The following BANP variants were observed in gnomAD, a reference collection of about 807,000 sequenced individuals.
The protein encoded by BANP is BTG3 associated nuclear protein.
In BANP, 11 loss-of-function variants were observed where a neutral mutation model predicts 68.1. That is an observed-to-expected ratio of 0.16 (90% CI 0.10 to 0.27). The LOEUF is 0.27. BANP is among the 10% of genes least tolerant of loss of function. The probability of loss-of-function intolerance (pLI) is 1.00; values close to 1 mark genes in which losing one functional copy is unlikely to be tolerated. For missense variants in BANP, 504 were observed against 722.7 expected (o/e 0.70, Z 3.47); for synonymous variants, 329 against 303.2 (o/e 1.09, Z -0.88).
In BANP at chr16:88,066,371, T is replaced by A. The variant is rs184015754; in HGVS notation, c.1377+1039T>A. Among the ~76,000 whole-genome samples the A allele has an allele frequency of 1.1e-4, 17 of 152,244 alleles. No homozygotes were observed. In the East Asian group the frequency reaches 3.3e-3, roughly 29 times the overall value. ...TTGAGTGAAACTCGGGAGTTTGGTGTCGTTTCTCTCTGTGGCGCTGCTGCT... is the reference window on the plus strand; with the variant it reads ...TTGAGTGAAACTCGGGAGTTTGGTGACGTTTCTCTCTGTGGCGCTGCTGCT... On this transcript the variant is annotated intron_variant, in intron 12 of 13. Coordinates refer to ENST00000682872, the MANE Select transcript of BANP (RefSeq NM_001386991.1).
chr16:88,034,075 G>A (rs550581310), intron 9 of BANP, among the ~76,000 whole-genome samples: 1 of 152,344 alleles, frequency 6.6e-6, no homozygotes, highest in Admixed American at 6.5e-5. Flanking sequence ...CTCCACTATT[G>A]AGAGTGGGGC....
At chr16:87,969,085 C>T (rs938618217) in intron 1 of BANP, among the ~76,000 whole-genome samples, 17 of 152,184 alleles carry the variant, frequency 1.1e-4, no homozygotes, top group African/African-American at 4.1e-4. Flanking sequence ...CTGCCCTGCC[C>T]AGTTGATATT....
intron 7 of BANP, among the ~76,000 whole-genome samples, chr16:88,019,417 G>A (rs1023265417): frequency 9.2e-5 from 14 of 151,922 alleles, no homozygotes; most frequent in Admixed American, 8.5e-4. Context: ...GGTGTGGGAG[G>A]GTGCAGTGGC....
chr16:87,997,933 T>C (rs1197306077), intron 4 of BANP, among the ~76,000 whole-genome samples: 2 of 152,216 alleles, frequency 1.3e-5, no homozygotes, highest in East Asian at 3.9e-4. Context: ...GTTTAGCACT[T>C]CCTGGTGGAA....
At chr16:88,016,282 C>A (rs2074537610) in intron 6 of BANP, among the ~76,000 whole-genome samples, 1 of 152,196 alleles carries the variant, frequency 6.6e-6, no homozygotes, top group African/African-American at 2.4e-5. Context: ...GCCAATGCTC[C>A]AGAGCCGCCT....
intron 13 of BANP, among the ~76,000 whole-genome samples, chr16:88,075,942 C>T (rs2091518136): frequency 6.6e-6 from 1 of 152,006 alleles, no homozygotes; most frequent in South Asian, 2.1e-4. Context: ...GACGAGGTTT[C>T]ACCATTTTGG....
intron 6 of BANP, among the ~76,000 whole-genome samples, chr16:88,016,788 C>T (rs62049283): frequency 1.3e-5 from 2 of 152,174 alleles, no homozygotes; most frequent in Non-Finnish European, 2.9e-5. Flanking sequence ...AAAAAATGCA[C>T]GTCTGAGCGT....
At chr16:88,035,238 A>G in intron 9 of BANP, 85 bp from the exon 10 acceptor site, 3 of 1,236,460 alleles carry the variant, frequency 2.4e-6, no homozygotes, top group East Asian at 2.5e-5. Context: ...ACAGATAATC[A>G]AGAACAAACA....
At chr16:88,073,626 C>T (rs935447146) in intron 13 of BANP, among the ~76,000 whole-genome samples, 4 of 152,200 alleles carry the variant, frequency 2.6e-5, no homozygotes, top group Non-Finnish European at 5.9e-5. Context: ...TTGGCCTGTC[C>T]GTGAAGAACA....
intron 1 of BANP, among the ~76,000 whole-genome samples, chr16:87,972,302 T>C (rs1210991864): frequency 3.4e-5 from 5 of 147,012 alleles, no homozygotes; most frequent in Non-Finnish European, 7.7e-5. Flanking sequence ...CTTTTTCTTT[T>C]GTTTCTAATA....
chr16:87,982,719 T>C (rs2063514666), intron 3 of BANP: 3 of 152,316 alleles, frequency 2.0e-5, no homozygotes, highest in Non-Finnish European at 4.4e-5. Flanking sequence ...TGGTGAATCT[T>C]GCCAGGAGAG....
intron 1 of BANP, chr16:87,952,784 A>G (rs532491997): frequency 1.3e-5 from 2 of 151,974 alleles, no homozygotes; most frequent in African/African-American, 2.4e-5. Flanking sequence ...TAATATTTTT[A>G]TTTTTTTGGA....
intron 11 of BANP, among the ~76,000 whole-genome samples, chr16:88,059,046 T>A (rs1468539808): frequency 6.6e-6 from 1 of 151,550 alleles, no homozygotes; most frequent in Admixed American, 6.6e-5. Flanking sequence ...GGAACCCCTG[T>A]ACCACAGTGC....
intron 7 of BANP, among the ~76,000 whole-genome samples, chr16:88,023,941 A>G (rs988329541): frequency 1.3e-5 from 2 of 152,208 alleles, no homozygotes; most frequent in African/African-American, 4.8e-5. Context: ...GGCTGGGGAA[A>G]GCAGGGACTG....
intron 1 of BANP, among the ~76,000 whole-genome samples, chr16:87,960,680 A>C (rs559360545): frequency 6.6e-6 from 1 of 152,234 alleles, no homozygotes; most frequent in South Asian, 2.1e-4. Flanking sequence ...TTCTGCTCTG[A>C]TAAAATGGCA....
rs2091704756 is a variant in BANP, at chr16:88,076,874, C to T, written c.*213C>T. 1.8e-6 allele frequency: 1 copy of T among 554,518 alleles called. No homozygotes were observed. Among genetic ancestry groups the T allele is most frequent in the Non-Finnish European group, 3.2e-6 (1 of 314,710 alleles). The allele number at this position is 554,518 out of a possible 1,614,324, so 34.3% of individuals were successfully genotyped here. On this transcript the variant is annotated 3_prime_UTR_variant, in exon 14 of 14. Coordinates refer to ENST00000682872, the MANE Select transcript of BANP (RefSeq NM_001386991.1). ...GGAGACCCCTTTCGTTTGAGTCCTGCTGTTGGTGTCGGAGCACGAGGGGAG... is the reference window on the plus strand; with the variant it reads ...GGAGACCCCTTTCGTTTGAGTCCTGTTGTTGGTGTCGGAGCACGAGGGGAG...
rs1404653525 is a variant in BANP at position 88,076,493 on chromosome 16, C to T, written c.1522-97C>T. On this transcript the variant is annotated intron_variant, in intron 13 of 13. Coordinates refer to ENST00000682872, the MANE Select transcript of BANP (RefSeq NM_001386991.1). ...CCTTCGCGCTCCTGTGTGCGTGTTT[C>T]TCATTCTGCCTTAAAGTCACTGGCT... 10 of 1,088,852 alleles carry T rather than the reference C, an allele frequency of 9.2e-6. No homozygotes were observed. The African/African-American group carries it at 1.3e-4, about 14-fold the overall frequency. 67.4% of individuals were successfully genotyped at this position (1,088,852 alleles called of 1,614,324 possible).
At position 88,076,601 on chromosome 16, in the gene BANP, C is replaced by G. The variant is rs1421932106; in HGVS notation, c.1533C>G (p.Ala511=). The G allele has an allele frequency of 5.0e-6, 8 of 1,612,546 alleles. No homozygotes were observed. Among genetic ancestry groups the G allele is most frequent in the Non-Finnish European group, 5.9e-6 (7 of 1,179,712 alleles). ...TCTCCCTTTTGCAGACGGCCGAAGCCCTGCAGCCCACGCTACAGCCGGAGA... is the reference window on the plus strand; with the variant it reads ...TCTCCCTTTTGCAGACGGCCGAAGCGCTGCAGCCCACGCTACAGCCGGAGA... ...DHTAGAQTAE[A]LQPTLQPEMQ... Residue 511 remains alanine, a synonymous_variant, in exon 14 of 14, where the codon GCC becomes GCG. Transcript: ENST00000682872.
At chr16:88,024,460 G>C (rs1249313850) in intron 7 of BANP, among the ~76,000 whole-genome samples, 3 of 152,208 alleles carry the variant, frequency 2.0e-5, no homozygotes, top group Non-Finnish European at 4.4e-5. Flanking sequence ...TTAAATTCAA[G>C]GTGATCTTTT....
Sources: gnomAD v4.1 joint callset for allele counts (sites outside exome capture counted in the v4.1 genomes callset) on GRCh38, gnomAD v4.1.1 for gene constraint, MANE v1.5 for transcripts, NCBI Gene and HGNC (gene_info 2026-07-23, HGNC 2026-07-21) for gene names.